Variants in ASIC2 observed in about 807,000 individuals in gnomAD.
The protein encoded by ASIC2 is acid sensing ion channel subunit 2, also known as acid-sensing ion channel 2.
Under a neutral mutation model 57.3 loss-of-function variants are expected in ASIC2, and 25 were observed. The ratio of observed to expected loss-of-function variants is 0.44; its 90% CI spans 0.32 to 0.61. The LOEUF (loss-of-function observed/expected upper bound fraction) is 0.61, where lower values mean the gene tolerates loss of function less well. Ranked by LOEUF, ASIC2 falls within the 20% of genes least tolerant of loss-of-function variation. The pLI is 0.06. For missense variants in ASIC2, 641 were observed against 738.1 expected (o/e 0.87, Z 1.52); for synonymous variants, 319 against 307.5 (o/e 1.04, Z -0.39).
At chr17:33,767,288 T>C (rs556346657) in intron 1 of ASIC2, among the ~76,000 whole-genome samples, 5 of 152,252 alleles carry the variant, frequency 3.3e-5, no homozygotes, top group African/African-American at 1.2e-4. Context: ...TCCTGTGCGC[T>C]GCAGAGTTCA....
At chr17:33,768,366 T>C (rs1910997158) in intron 1 of ASIC2, among the ~76,000 whole-genome samples, 1 of 152,154 alleles carries the variant, frequency 6.6e-6, no homozygotes, top group African/African-American at 2.4e-5. Context: ...TGCAGAATCC[T>C]TGTTTACATT....
intron 1 of ASIC2, among the ~76,000 whole-genome samples, chr17:33,471,240 C>T (rs1196269281): frequency 1.3e-5 from 2 of 152,118 alleles, no homozygotes; most frequent in Non-Finnish European, 2.9e-5. Flanking sequence ...GAGAACTCTT[C>T]TAAGACCTTT....
chr17:33,178,218 G>A (rs319780), intron 1 of ASIC2, among the ~76,000 whole-genome samples: 105,500 of 152,070 alleles, frequency 0.69, 37,935 homozygotes, highest in African/African-American at 0.88. Context: ...GCCACTCCAT[G>A]ATGTGTATAT....
chr17:33,508,789 C>G (rs1914344007), intron 1 of ASIC2, among the ~76,000 whole-genome samples: 1 of 152,204 alleles, frequency 6.6e-6, no homozygotes, highest in African/African-American at 2.4e-5. Flanking sequence ...ATGCAAACCT[C>G]CTATGATGCA....
intron 1 of ASIC2, among the ~76,000 whole-genome samples, chr17:33,578,611 A>ATT: frequency 6.6e-6 from 1 of 152,228 alleles, no homozygotes; most frequent in East Asian, 1.9e-4. Context: ...GAAGATCTTT[A>ATT]TACGTTTGGG....
intron 1 of ASIC2, among the ~76,000 whole-genome samples, chr17:33,978,530 T>C (rs1225753334): frequency 6.6e-6 from 1 of 152,248 alleles, no homozygotes; most frequent in African/African-American, 2.4e-5. Context: ...AGTCTGGAAC[T>C]GTGCCTGCCC....
intron 1 of ASIC2, among the ~76,000 whole-genome samples, chr17:33,623,242 TTTTGTTTGTTTGTTTG>T (rs142797034): frequency 5.4e-5 from 4 of 73,886 alleles, no homozygotes; most frequent in East Asian, 4.1e-4. Flanking sequence ...TATCGTTTTT[TTTTGTTTGTTTGTTTG>T]TTTGTTTGTT....
intron 1 of ASIC2, among the ~76,000 whole-genome samples, chr17:33,314,035 C>T (rs889994686): frequency 6.6e-6 from 1 of 152,104 alleles, no homozygotes; most frequent in Non-Finnish European, 1.5e-5. Context: ...CAAGGTTTTG[C>T]TTCCTCTGTG....
chr17:33,674,092 A>T (rs946289411), intron 1 of ASIC2, among the ~76,000 whole-genome samples: 1 of 152,018 alleles, frequency 6.6e-6, no homozygotes, highest in African/African-American at 2.4e-5. Context: ...ACGGGGTTTC[A>T]CCATGTTGGC....
At chr17:33,078,613 T>A (rs1233381888) in intron 3 of ASIC2, among the ~76,000 whole-genome samples, 1 of 152,158 alleles carries the variant, frequency 6.6e-6, no homozygotes, top group Non-Finnish European at 1.5e-5. Flanking sequence ...AGTTGATTGA[T>A]TGATTGTAGA....
chr17:34,122,419 G>A (rs754374756), intron 1 of ASIC2, among the ~76,000 whole-genome samples: 4 of 152,300 alleles, frequency 2.6e-5, no homozygotes, highest in Admixed American at 2.6e-4. Flanking sequence ...GTTATTCCCT[G>A]TGGTTCACGG....
Position 33,291,584 on chromosome 17 carries a change from C to T in ASIC2, c.532G>A (p.Asp178Asn). ...RPLVSELLRGDEPRRQWFRKL... is the reference protein window; with the variant it reads ...RPLVSELLRGNEPRRQWFRKL... ...CGGAACCACTGGCGGCGCGGCTCGT[C>T]GCCCCGCAGCAGCTCGCTGACAAGC... Residue 178 changes from aspartate to asparagine, a missense_variant, in exon 1 of 10, where the codon GAC becomes AAC. By Grantham distance (23) the Asp-to-Asn change is conservative. Transcript: ENST00000225823. 1 of 1,608,252 alleles carries T rather than the reference C, an allele frequency of 6.2e-7. No individual in the cohort carries two copies.
At chr17:34,120,623 CTT>C (rs567973433) in intron 1 of ASIC2, among the ~76,000 whole-genome samples, 75 of 149,522 alleles carry the variant, frequency 5.0e-4, no homozygotes, top group Middle Eastern at 3.5e-3. Context: ...CAGAAGGTGA[CTT>C]TATTTGGAAA....
chr17:33,159,277 T>C (rs1217968972), intron 1 of ASIC2, among the ~76,000 whole-genome samples: 1 of 152,236 alleles, frequency 6.6e-6, no homozygotes, highest in East Asian at 1.9e-4. Flanking sequence ...TCTATCTCCC[T>C]TCCTAAGGCA....
At chr17:33,346,171 G>T (rs1340445335) in intron 1 of ASIC2, among the ~76,000 whole-genome samples, 1 of 122,232 alleles carries the variant, frequency 8.2e-6, no homozygotes, top group Non-Finnish European at 1.6e-5. Context: ...AGGTTGCAAT[G>T]AACCGAGATT....
In ASIC2 at chr17:33,476,141, C is replaced by T. The variant is rs183381135; in HGVS notation, c.556-364074G>A. ...TGTGGCACAGAACACTGTGCCAGTT[C>T]CATAGAAACCATTCTAGCAAGGACC... On this transcript the variant is annotated intron_variant, in intron 1 of 9. Coordinates refer to the ASIC2 transcript ENST00000359872. Among the ~76,000 whole-genome samples the T allele has an allele frequency of 3.1e-3, 479 of 152,196 alleles. 1 individual carries two copies. Among genetic ancestry groups the T allele is most frequent in the Non-Finnish European group, 5.2e-3 (356 of 68,014 alleles).
At chr17:33,106,552 T>A (rs376336135) in intron 2 of ASIC2, among the ~76,000 whole-genome samples, 23 of 152,142 alleles carry the variant, frequency 1.5e-4, no homozygotes, top group Non-Finnish European at 3.2e-4. Flanking sequence ...ATTCTCACCC[T>A]CACCCCCACT....
intron 1 of ASIC2, among the ~76,000 whole-genome samples, chr17:33,587,999 T>G (rs1232884192): frequency 6.6e-6 from 1 of 152,212 alleles, no homozygotes; most frequent in Non-Finnish European, 1.5e-5. Flanking sequence ...GGCCTCATTA[T>G]AAAGATTTAG....
intron 1 of ASIC2, among the ~76,000 whole-genome samples, chr17:33,124,562 G>C (rs980991676): frequency 6.6e-6 from 1 of 152,174 alleles, no homozygotes; most frequent in South Asian, 2.1e-4. Flanking sequence ...GAGTGCTACT[G>C]GTGGTGCCAG....
Sources: gnomAD v4.1 joint callset for allele counts (sites outside exome capture counted in the v4.1 genomes callset) on GRCh38, gnomAD v4.1.1 for gene constraint, MANE v1.5 for transcripts, NCBI Gene and HGNC (gene_info 2026-07-23, HGNC 2026-07-21) for gene names.